Variants in TEX9 observed in about 807,000 individuals in gnomAD.
TEX9 encodes the protein testis-expressed protein 9.
Under a neutral mutation model 59.6 loss-of-function variants are expected in TEX9, and 74 were observed. The observed-to-expected ratio is 1.24, with a 90% CI of 1.03 to 1.51. The LOEUF is 1.51. TEX9 is among the 40% of genes most tolerant of loss of function. The pLI is 0.00. For synonymous variants in TEX9, 186 were observed against 152.2 expected (o/e 1.22, Z -1.64); for missense variants, 522 against 447.8 (o/e 1.17, Z -1.49).
chr15:56,352,629 C>T (rs1022348220), intron 1 of TEX9, among the ~76,000 whole-genome samples: 7 of 152,126 alleles, frequency 4.6e-5, no homozygotes. Context: ...CTTCTTTTGA[C>T]AATGCAGTGG....
At chr15:56,413,131 G>A (rs2049447522) in intron 10 of TEX9, among the ~76,000 whole-genome samples, 1 of 87,292 alleles carries the variant, frequency 1.1e-5, no homozygotes, top group East Asian at 2.4e-4. Flanking sequence ...GTTCTGTATT[G>A]ACCTGAAAGG....
chr15:56,282,262 C>T (rs1199368318), intron 1 of TEX9, among the ~76,000 whole-genome samples: 1 of 152,104 alleles, frequency 6.6e-6, no homozygotes, highest in Non-Finnish European at 1.5e-5. Flanking sequence ...TCACAATCAT[C>T]TCAACAGATG....
At chr15:56,309,693 GTTTTTTTTTTTTTTTT>G (rs60648387) in intron 1 of TEX9, among the ~76,000 whole-genome samples, 21 of 60,782 alleles carry the variant, frequency 3.5e-4, no homozygotes, top group South Asian at 2.0e-3. Context: ...TTTATGGGAA[GTTTTTTTTTTTTTTTT>G]TTTTTTTTTT....
At chr15:56,358,915 GC>G (rs2046740016) in intron 1 of TEX9, among the ~76,000 whole-genome samples, 1 of 152,074 alleles carries the variant, frequency 6.6e-6, no homozygotes, top group Non-Finnish European at 1.5e-5. Flanking sequence ...CGTAAGACAT[GC>G]CTGCTTCTCC....
At chr15:56,315,234 T>A (rs1438071462) in intron 1 of TEX9, among the ~76,000 whole-genome samples, 1 of 137,244 alleles carries the variant, frequency 7.3e-6, no homozygotes, top group East Asian at 2.1e-4. Flanking sequence ...TGATGCAGTT[T>A]CTTCCTAGTC....
chr15:56,371,564 TTCTC>T (rs2047191999), intron 2 of TEX9, among the ~76,000 whole-genome samples: 1 of 152,194 alleles, frequency 6.6e-6, no homozygotes, highest in African/African-American at 2.4e-5. Flanking sequence ...CATCTGCTGA[TTCTC>T]TCTTTCAGTG....
chr15:56,252,379 C>CTTTTTTTTTTTTTT (rs3050136), intron 1 of TEX9, among the ~76,000 whole-genome samples: 1 of 119,698 alleles, frequency 8.4e-6, no homozygotes. Context: ...TTAGAAAAAC[C>CTTTTTTTTTTTTTT]TTTTTTTTTT....
intron 1 of TEX9, among the ~76,000 whole-genome samples, chr15:56,312,111 G>A (rs1567081383): frequency 6.7e-6 from 1 of 148,734 alleles, no homozygotes. Context: ...TCACTCTGAT[G>A]GTAGTTTCTT....
chr15:56,378,936 CG>C (rs1184703263), intron 3 of TEX9, among the ~76,000 whole-genome samples: 3 of 151,614 alleles, frequency 2.0e-5, no homozygotes, highest in Non-Finnish European at 4.4e-5. Context: ...TGGTGGTGCA[CG>C]CCTGTAGTCC....
At chr15:56,310,630 C>G (rs8037682) in intron 1 of TEX9, among the ~76,000 whole-genome samples, 66,615 of 151,922 alleles carry the variant, frequency 0.44, 15,114 homozygotes, top group Middle Eastern at 0.63. Context: ...GCCAAGTAGG[C>G]TAGCCACTGA....
chr15:56,450,937 G>C (rs1482019156), downstream of TEX9, among the ~76,000 whole-genome samples: 1 of 152,088 alleles, frequency 6.6e-6, no homozygotes, highest in Non-Finnish European at 1.5e-5. Context: ...TATTAGATGT[G>C]AAACAGTTTC....
chr15:56,258,039 A>G (rs1171709549), intron 1 of TEX9, among the ~76,000 whole-genome samples: 2 of 152,184 alleles, frequency 1.3e-5, no homozygotes, highest in East Asian at 1.9e-4. Flanking sequence ...CACATATTAA[A>G]TAGGGAATGC....
intron 2 of TEX9, among the ~76,000 whole-genome samples, chr15:56,368,968 TA>T (rs750361361): frequency 2.1e-4 from 32 of 152,166 alleles, no homozygotes; most frequent in Admixed American, 1.9e-3. Context: ...TTTTTTAGTT[TA>T]TTTACCTCAT....
At chr15:56,448,385 ACTC>A (rs1235179640), downstream of TEX9, among the ~76,000 whole-genome samples, 6 of 151,644 alleles carry the variant, frequency 4.0e-5, no homozygotes, top group African/African-American at 1.5e-4. Context: ...TTTTTAACCC[ACTC>A]CTCCTCCACC....
intron 1 of TEX9, among the ~76,000 whole-genome samples, chr15:56,291,318 T>C (rs1391094789): frequency 6.6e-5 from 10 of 152,222 alleles, no homozygotes; most frequent in African/African-American, 2.4e-4. Flanking sequence ...ATGCTTGTTT[T>C]CACTTTGGAT....
intron 1 of TEX9, among the ~76,000 whole-genome samples, chr15:56,269,272 C>T (rs558059512): frequency 5.9e-5 from 9 of 152,268 alleles, no homozygotes; most frequent in Non-Finnish European, 1.3e-4. Context: ...AAAAAACCAG[C>T]TCCTGGATTC....
the TEX9 span, chr15:56,456,622 A>G: frequency 8.9e-7 from 1 of 1,117,898 alleles, no homozygotes; most frequent in Non-Finnish European, 1.3e-6. Flanking sequence ...CCTTAAGGCC[A>G]ACAATTGATG....
intron 1 of TEX9, among the ~76,000 whole-genome samples, chr15:56,285,809 A>G (rs1399053959): frequency 6.6e-6 from 1 of 152,228 alleles, no homozygotes; most frequent in African/African-American, 2.4e-5. Context: ...ATAAAAAATT[A>G]TAGGTAAAAC....
intron 1 of TEX9, among the ~76,000 whole-genome samples, chr15:56,329,479 G>C (rs942683275): frequency 1.3e-5 from 2 of 152,262 alleles, no homozygotes; most frequent in Non-Finnish European, 2.9e-5. Context: ...TGGAAACAGA[G>C]ATACGTGACC....
Sources: gnomAD v4.1 joint callset for allele counts (sites outside exome capture counted in the v4.1 genomes callset) on GRCh38, gnomAD v4.1.1 for gene constraint, MANE v1.5 for transcripts, NCBI Gene and HGNC (gene_info 2026-07-23, HGNC 2026-07-21) for gene names.